CENPP: variants seen among roughly 807,000 people sequenced by gnomAD.
The protein encoded by CENPP is centromere protein P.
A neutral mutation model predicts 35.6 loss-of-function variants in CENPP; 24 were observed. The observed-to-expected ratio is 0.67, with a 90% CI of 0.49 to 0.95. The LOEUF is 0.95. Ranked by LOEUF, CENPP falls within the 40% of genes least tolerant of loss-of-function variation. The pLI is 0.00. For synonymous variants in CENPP, 120 were observed against 125.5 expected, an observed-to-expected ratio of 0.96 and a Z score of 0.29; for missense variants, 332 against 345.3, an observed-to-expected ratio of 0.96 and a Z score of 0.31.
intron 5 of CENPP, among the ~76,000 whole-genome samples, chr9:92,430,072 G>T (rs764207641): frequency 1.3e-5 from 2 of 152,060 alleles, no homozygotes; most frequent in Non-Finnish European, 2.9e-5. Context: ...CTTCCAAGTG[G>T]CACTCCCAGC....
At chr9:92,337,118 G>T (rs896400896) in intron 2 of CENPP, among the ~76,000 whole-genome samples, 7 of 152,204 alleles carry the variant, frequency 4.6e-5, no homozygotes, top group African/African-American at 1.7e-4. Flanking sequence ...AGGAGTTTGA[G>T]ACCAGCCTGA....
Position 92,517,666 on chromosome 9 carries a change from T to C in CENPP, c.565-93648T>C, listed in dbSNP as rs776424662. The C allele has an allele frequency of 4.3e-6, 7 of 1,613,600 alleles. No homozygotes were observed. In the South Asian group the frequency reaches 6.6e-5, roughly 15 times the overall value. Reference sequence around the variant, plus strand: ...AAAGATTAATCACACACTGATATTTTGCTTAGCTAAATCTCTGTACCAGTA... The same window carrying C: ...AAAGATTAATCACACACTGATATTTCGCTTAGCTAAATCTCTGTACCAGTA... On this transcript the variant is annotated intron_variant, in intron 5 of 7. Transcript: ENST00000375587.
intron 5 of CENPP, among the ~76,000 whole-genome samples, chr9:92,571,895 A>G (rs1014533501): frequency 7.0e-6 from 1 of 143,154 alleles, no homozygotes; most frequent in Admixed American, 7.0e-5. Context: ...AGCAACTAGG[A>G]TTGCAACTCC....
At chr9:92,487,047 G>T (rs539258863) in intron 5 of CENPP, among the ~76,000 whole-genome samples, 7 of 152,188 alleles carry the variant, frequency 4.6e-5, no homozygotes, top group Non-Finnish European at 1.0e-4. Context: ...CTCCCAAAGC[G>T]CTAGGATTAC....
chr9:92,427,727 G>A (rs1352085956), intron 5 of CENPP, among the ~76,000 whole-genome samples: 1 of 152,056 alleles, frequency 6.6e-6, no homozygotes, highest in African/African-American at 2.4e-5. Context: ...CAGTCCACCC[G>A]CCTCAGCCTC....
At chr9:92,479,286 G>A (rs1257913155) in intron 5 of CENPP, among the ~76,000 whole-genome samples, 2 of 152,172 alleles carry the variant, frequency 1.3e-5, no homozygotes, top group Non-Finnish European at 2.9e-5. Context: ...CTCTTTCTGA[G>A]ACTGATAAGT....
rs547799911 is a variant in CENPP, at chr9:92,618,055, C to G, written c.*4906C>G. On this transcript the variant is annotated 3_prime_UTR_variant, in exon 8 of 8. Coordinates refer to ENST00000375587, the MANE Select transcript of CENPP (RefSeq NM_001012267.3). ...CAAGATGACTCATGATAAATCCCAG[C>G]CTTAGTTTGTCCCTAGGCCTCTAGA... is the stretch of plus-strand genomic sequence containing the variant. 20 of 353,656 alleles carry G rather than the reference C, an allele frequency of 5.7e-5. No homozygotes were observed. Among genetic ancestry groups the G allele is most frequent in the African/African-American group, 3.2e-4 (15 of 46,766 alleles). The allele number at this position is 353,656 out of a possible 1,614,324, so 21.9% of individuals were successfully genotyped here.
chr9:92,514,935 T>A lies in CENPP; in HGVS notation c.565-96379T>A, dbSNP rs769530160. 5.0e-6 allele frequency: 8 copies of A among 1,614,062 alleles called. 1 individual carries two copies. The South Asian group carries it at 8.8e-5, about 18-fold the overall frequency. Reference sequence around the variant, plus strand: ...TCCTCTCCTCTCCAGGCCTCTGCTTTCTGTCTCCTCCTCTGCTGTCCCCCT... The same window carrying A: ...TCCTCTCCTCTCCAGGCCTCTGCTTACTGTCTCCTCCTCTGCTGTCCCCCT... On this transcript the variant is annotated intron_variant, in intron 5 of 7. Transcript: ENST00000375587.
chr9:92,550,695 C>G (rs1012748280), intron 5 of CENPP, among the ~76,000 whole-genome samples: 2 of 152,014 alleles, frequency 1.3e-5, no homozygotes, highest in African/African-American at 4.8e-5. Context: ...ATATGATATT[C>G]TAAATGTGTA....
At chr9:92,565,293 T>TAAAAAAAAAAAAA (rs3078380) in intron 5 of CENPP, among the ~76,000 whole-genome samples, 3 of 33,162 alleles carry the variant, frequency 9.0e-5, no homozygotes, top group African/African-American at 1.4e-4. Context: ...GCTGATGAGC[T>TAAAAAAAAAAAAA]AAAAAAAAAA....
intron 5 of CENPP, chr9:92,500,925 TG>T: frequency 6.2e-7 from 1 of 1,614,208 alleles, no homozygotes; most frequent in Non-Finnish European, 8.5e-7. Context: ...TGGTTCCATG[TG>T]GCCAAACACA....
At chr9:92,599,409 G>GTTTGTT (rs954713385) in intron 5 of CENPP, among the ~76,000 whole-genome samples, 7 of 149,528 alleles carry the variant, frequency 4.7e-5, no homozygotes, top group East Asian at 1.9e-4. Flanking sequence ...GTTTTGTTTT[G>GTTTGTT]TTTGTTTTTG....
At chr9:92,331,973 AGTG>A (rs922589954) in intron 1 of CENPP, among the ~76,000 whole-genome samples, 194 bp from the exon 2 acceptor site, 1 of 152,176 alleles carries the variant, frequency 6.6e-6, no homozygotes, top group Non-Finnish European at 1.5e-5. Flanking sequence ...AGAAAAAAAA[AGTG>A]GTGGTGTTAG....
chr9:92,502,703 T>C (rs1234250810), intron 5 of CENPP: 1 of 1,409,688 alleles, frequency 7.1e-7, no homozygotes. Context: ...AGTTGATACG[T>C]TCAATTTCAT....
Position 92,551,950 on chromosome 9 carries a change from TATG to T in CENPP, c.565-59361_565-59359del, listed in dbSNP as rs1488231008. ...GTATATATATATATATATATATATA[TATG>T]ATATATATATGTGTGATATATATGT... is the stretch of plus-strand genomic sequence containing the variant. On this transcript the variant is annotated intron_variant, in intron 5 of 7. Transcript: ENST00000375587. Among the ~76,000 whole-genome samples the T allele has an allele frequency of 3.2e-4, 39 of 121,502 alleles. 6 individuals are homozygous for T. The highest frequency in any genetic ancestry group is 1.3e-3 in the African/African-American group (35 of 26,702). The allele number at this position is 121,502 out of a possible 152,430, so 79.7% of individuals were successfully genotyped here. A position where few individuals can be genotyped will look rare whatever the true frequency, so the allele number is the denominator to read the frequency against.
chr9:92,502,525 C>T (rs1564358034), intron 5 of CENPP: 25 of 1,612,168 alleles, frequency 1.6e-5, no homozygotes, highest in Non-Finnish European at 2.1e-5. Context: ...TTGATTTATC[C>T]AGGCTAAAGG....
At chr9:92,397,584 C>T (rs1276056135) in intron 5 of CENPP, among the ~76,000 whole-genome samples, 1 of 152,172 alleles carries the variant, frequency 6.6e-6, no homozygotes. Context: ...CCCGCCTTGG[C>T]CTCCCAGAGT....
intron 5 of CENPP, among the ~76,000 whole-genome samples, chr9:92,442,116 G>A (rs1373186102): frequency 6.6e-6 from 1 of 151,942 alleles, no homozygotes; most frequent in African/African-American, 2.4e-5. Context: ...ATAAAAACAA[G>A]GCCGGGCACA....
chr9:92,373,171 C>T lies in CENPP; in HGVS notation c.468-6592C>T, dbSNP rs547440950. 1.2e-4 allele frequency among the ~76,000 whole-genome samples: 18 copies of T among 152,148 alleles called. No individual in the cohort carries two copies. In the East Asian group the frequency reaches 3.5e-3, roughly 29 times the overall value. The stretch of plus-strand genomic sequence containing the variant: ...TGCACAGTAGCTCATGCCTGTAATC[C>T]TAACACTTTGGGAGGCTGAGATGGG... On this transcript the variant is annotated intron_variant, in intron 4 of 7. Coordinates refer to ENST00000375587, the MANE Select transcript of CENPP (RefSeq NM_001012267.3).
Sources: allele counts gnomAD v4.1 joint callset (sites outside exome capture counted in the v4.1 genomes callset), GRCh38; gene constraint gnomAD v4.1.1; transcripts MANE v1.5; gene names NCBI Gene and HGNC (gene_info 2026-07-23, HGNC 2026-07-21).